EFCAB10: variants seen among roughly 807,000 people sequenced by gnomAD.
EFCAB10 encodes EF-hand calcium-binding domain-containing protein 10.
Under a neutral mutation model 7.7 loss-of-function variants are expected in EFCAB10, and 7 were observed. The ratio of observed to expected loss-of-function variants is 0.91; its 90% CI spans 0.52 to 1.72. EFCAB10 has a LOEUF of 1.72. Among genes scored for constraint, EFCAB10 ranks in the 40% most tolerant of loss-of-function variants. The probability of loss-of-function intolerance (pLI) is 0.00; values close to 1 mark genes in which losing one functional copy is unlikely to be tolerated. For missense variants in EFCAB10, 112 were observed against 61.5 expected (o/e 1.82, Z -2.74); for synonymous variants, 52 against 21.0 (o/e 2.47, Z -4.03).
chr7:105,569,068 A>G, intron 3 of EFCAB10, 135 bp downstream of exon 3: 1 of 626,162 alleles, frequency 1.6e-6, no homozygotes, highest in South Asian at 1.9e-5. Context: ...ACCTGTCCTC[A>G]CTTTCCAGTC....
intron 1 of EFCAB10, among the ~76,000 whole-genome samples, chr7:105,580,230 T>G (rs1336390374): frequency 1.3e-5 from 2 of 152,024 alleles, no homozygotes; most frequent in Non-Finnish European, 2.9e-5. Context: ...TCAAGTGATC[T>G]GCCCACCACA....
At chr7:105,575,115 C>CA (rs541720724) in intron 1 of EFCAB10, among the ~76,000 whole-genome samples, 1,361 of 110,968 alleles carry the variant, frequency 0.012, 5 homozygotes, top group Middle Eastern at 0.035. Flanking sequence ...AACTCTGTCT[C>CA]AAAAAAAAAA....
chr7:105,578,908 G>A (rs755036001), intron 1 of EFCAB10, among the ~76,000 whole-genome samples: 1 of 152,112 alleles, frequency 6.6e-6, no homozygotes. Context: ...TAGTAGCTGG[G>A]ACTAGAGGCA....
At chr7:105,581,302 G>A (rs1395254843) in intron 1 of EFCAB10, 56 bp downstream of exon 1, 3 of 692,682 alleles carry the variant, frequency 4.3e-6, no homozygotes, top group Non-Finnish European at 7.9e-6. Context: ...GGGGTTTCGT[G>A]TGGGAAGCGA....
chr7:105,569,027 T>C (rs1791867286), intron 3 of EFCAB10, among the ~76,000 whole-genome samples, 176 bp downstream of exon 3: 1 of 151,830 alleles, frequency 6.6e-6, no homozygotes, highest in Non-Finnish European at 1.5e-5. Context: ...CCCTTCCTAT[T>C]CCCAAGTTTA....
At chr7:105,571,788 C>G (rs985995510) in intron 1 of EFCAB10, 2 of 152,008 alleles carry the variant, frequency 1.3e-5, no homozygotes, top group African/African-American at 4.8e-5. Flanking sequence ...ATCCACCTTA[C>G]AGTCCTGATT....
At chr7:105,574,245 G>GTATA (rs58936582) in intron 1 of EFCAB10, among the ~76,000 whole-genome samples, 1,615 of 143,736 alleles carry the variant, frequency 0.011, 20 homozygotes, top group African/African-American at 0.039. Context: ...CATATATACA[G>GTATA]TATATATATA....
intron 3 of EFCAB10, among the ~76,000 whole-genome samples, chr7:105,567,956 G>A (rs879545416): frequency 2.6e-5 from 4 of 152,160 alleles, no homozygotes; most frequent in East Asian, 1.9e-4. Flanking sequence ...ATTGTGACAC[G>A]GCACAGCAGC....
At position 105,567,221 on chromosome 7, in the gene EFCAB10, A is replaced by T. The variant is rs750282703; in HGVS notation, c.383+246T>A. ...CAGGGCAGCTTCCTGCCACAGCAGC[A>T]TTAAATGAAGTTGGAATTTACAAAC... On this transcript the variant is annotated intron_variant, in intron 4 of 4. Transcript: ENST00000480514. 3 of 1,613,514 alleles carry T rather than the reference A, an allele frequency of 1.9e-6. No individual in the cohort carries two copies. The highest frequency in any genetic ancestry group is 1.7e-5 in the Admixed American group (1 of 59,866).
intron 3 of EFCAB10, among the ~76,000 whole-genome samples, chr7:105,568,632 A>C (rs1586281562): frequency 6.6e-6 from 1 of 152,034 alleles, no homozygotes; most frequent in Admixed American, 6.6e-5. Context: ...TCATCCTTTG[A>C]GAATTGCTGG....
intron 1 of EFCAB10, among the ~76,000 whole-genome samples, chr7:105,576,731 A>G (rs1019267138): frequency 6.6e-6 from 1 of 152,136 alleles, no homozygotes; most frequent in African/African-American, 2.4e-5. Flanking sequence ...GGTGTGAGCC[A>G]CCGCGCCTAG....
At chr7:105,566,591 G>A (rs1791757372) in intron 4 of EFCAB10, 3 of 151,978 alleles carry the variant, frequency 2.0e-5, no homozygotes, top group Non-Finnish European at 4.4e-5. Context: ...AGTGAGCTAT[G>A]ATCGTGCAGT....
In EFCAB10 at chr7:105,577,709, T is replaced by C. The variant is rs556742643; in HGVS notation, c.106+3649A>G. Among the ~76,000 whole-genome samples the C allele has an allele frequency of 1.4e-3, 210 of 150,292 alleles. 2 individuals are homozygous for C. Among genetic ancestry groups the C allele is most frequent in the African/African-American group, 4.5e-3 (185 of 41,332 alleles). ...CATTGGCTGCCATGGTGCTTTTGTCTGTTCAATTTTTTTTTTTTTTTTTCC... is the reference window on the plus strand; with the variant it reads ...CATTGGCTGCCATGGTGCTTTTGTCCGTTCAATTTTTTTTTTTTTTTTTCC... On this transcript the variant is annotated intron_variant, in intron 1 of 4. Coordinates refer to ENST00000480514, the MANE Select transcript of EFCAB10 (RefSeq NM_001355526.2).
At chr7:105,579,990 CT>C (rs1792182355) in intron 1 of EFCAB10, among the ~76,000 whole-genome samples, 1 of 151,618 alleles carries the variant, frequency 6.6e-6, no homozygotes, top group East Asian at 1.9e-4. Flanking sequence ...TAACATTTGT[CT>C]TTATTTTTAG....
chr7:105,569,633 A>G (rs1202918626), intron 1 of EFCAB10, 62 bp from the exon 2 acceptor site: 1 of 662,874 alleles, frequency 1.5e-6, no homozygotes, highest in African/African-American at 1.8e-5. Flanking sequence ...AAATAGAAGT[A>G]GTCATTTAAC....
chr7:105,569,622 C>G (rs771601134), intron 1 of EFCAB10, 51 bp from the exon 2 acceptor site: 18 of 673,254 alleles, frequency 2.7e-5, no homozygotes, highest in Non-Finnish European at 4.5e-5. Flanking sequence ...AAATATGTCG[C>G]AAATAGAAGT....
intron 1 of EFCAB10, among the ~76,000 whole-genome samples, chr7:105,570,266 TATAC>T (rs1384045224): frequency 1.5e-4 from 12 of 79,982 alleles, no homozygotes; most frequent in African/African-American, 5.7e-4. Context: ...TATATATATA[TATAC>T]ACACACACAC....
chr7:105,577,843 C>T (rs1030493597), intron 1 of EFCAB10, among the ~76,000 whole-genome samples: 5 of 151,980 alleles, frequency 3.3e-5, no homozygotes, highest in South Asian at 2.1e-4. Context: ...CTCAGCCTCC[C>T]GAATAACTGA....
chr7:105,565,694 C>CA, intron 4 of EFCAB10: 1 of 1,292,550 alleles, frequency 7.7e-7, no homozygotes, highest in South Asian at 1.2e-5. Context: ...CAAATTGTTA[C>CA]AGGAGGCTAA....
Sources: gnomAD v4.1 joint callset for allele counts (sites outside exome capture counted in the v4.1 genomes callset) on GRCh38, gnomAD v4.1.1 for gene constraint, MANE v1.5 for transcripts, NCBI Gene and HGNC (gene_info 2026-07-23, HGNC 2026-07-21) for gene names.